Variants in HORMAD2 observed in about 807,000 individuals in gnomAD.
HORMAD2 encodes the protein HORMA domain-containing protein 2.
In HORMAD2, 45 loss-of-function variants were observed where a neutral mutation model predicts 38.8. The observed-to-expected ratio is 1.16, with a 90% CI of 0.91 to 1.49. The LOEUF (loss-of-function observed/expected upper bound fraction) is 1.49. Among genes scored for constraint, HORMAD2 ranks in the 40% most tolerant of loss-of-function variants. The pLI is 0.00. For missense variants in HORMAD2, 338 were observed against 367.0 expected (o/e 0.92, Z 0.65); for synonymous variants, 126 against 122.8 (o/e 1.03, Z -0.17).
chr22:30,096,656 C>T (rs1017633088), intron 2 of HORMAD2, among the ~76,000 whole-genome samples: 4 of 151,570 alleles, frequency 2.6e-5, no homozygotes, highest in South Asian at 2.1e-4. Context: ...TTAGTAGAGA[C>T]GGGGGTTTCA....
At chr22:30,139,780 A>G (rs1340770410) in intron 10 of HORMAD2, among the ~76,000 whole-genome samples, 1 of 151,970 alleles carries the variant, frequency 6.6e-6, no homozygotes, top group Admixed American at 6.6e-5. Context: ...TGTTTTTTTA[A>G]TCATGGAAGG....
rs1922484045 is a variant in HORMAD2, at chr22:30,122,049, G to A, written c.654G>A (p.Val218=). 1 of 1,613,548 alleles carries A rather than the reference G, an allele frequency of 6.2e-7. No individual in the cohort carries two copies. Among genetic ancestry groups the A allele is most frequent in the South Asian group, 1.1e-5 (1 of 91,018 alleles). ...TGTTTGACAAGGAGCCTATCAACGTGCAAGTGGGATTTGTCTCCACTGGCT... is the reference window on the plus strand; with the variant it reads ...TGTTTGACAAGGAGCCTATCAACGTACAAGTGGGATTTGTCTCCACTGGCT... ...FLLFDKEPIN[V]QVGFVSTGFH... Residue 218 remains valine, a synonymous_variant, in exon 10 of 11, where the codon GTG becomes GTA. Transcript: ENST00000336726.
In HORMAD2 at chr22:30,144,010, C is replaced by T. The variant is rs1003977527; in HGVS notation, c.819+21796C>T. Among the ~76,000 whole-genome samples the T allele has an allele frequency of 1.4e-4, 21 of 152,310 alleles. No homozygotes were observed. In the East Asian group the frequency reaches 3.9e-3, roughly 28 times the overall value. On this transcript the variant is annotated intron_variant, in intron 10 of 10. Coordinates refer to ENST00000336726, the MANE Select transcript of HORMAD2 (RefSeq NM_152510.4). ...TGATGCCAGTGCTATGCTTTCTGTACAGCCTACAGAACCATGAGCCAATTA... is the reference window on the plus strand; with the variant it reads ...TGATGCCAGTGCTATGCTTTCTGTATAGCCTACAGAACCATGAGCCAATTA...
chr22:30,112,417 T>G, intron 6 of HORMAD2, 79 bp from the exon 7 acceptor site: 1 of 697,748 alleles, frequency 1.4e-6, no homozygotes, highest in Non-Finnish European at 2.5e-6. Flanking sequence ...CAAATTGAAC[T>G]CTATATAAAA....
rs1028757403 is a variant in HORMAD2 at position 30,176,990 on chromosome 22, G to T, written c.*823G>T. On this transcript the variant is annotated 3_prime_UTR_variant, in exon 11 of 11. Transcript: ENST00000336726. ...GAGATTTAGTAACTTATAAAATGAGGTTTAGTAATTTAATTTAAATGGATA... is the reference window on the plus strand; with the variant it reads ...GAGATTTAGTAACTTATAAAATGAGTTTTAGTAATTTAATTTAAATGGATA... 2.0e-5 allele frequency: 3 copies of T among 152,450 alleles called. No individual in the cohort carries two copies. The highest frequency in any genetic ancestry group is 7.3e-5 in the African/African-American group (3 of 41,330). 9.4% of individuals were successfully genotyped at this position (152,450 alleles called of 1,614,324 possible).
At chr22:30,163,852 G>A (rs1254625316) in intron 10 of HORMAD2, among the ~76,000 whole-genome samples, 3 of 152,120 alleles carry the variant, frequency 2.0e-5, no homozygotes, top group South Asian at 2.1e-4. Context: ...GTGGCATTAA[G>A]TGTATTCACA....
chr22:30,145,683 C>T (rs1265491549), intron 10 of HORMAD2, among the ~76,000 whole-genome samples: 1 of 152,040 alleles, frequency 6.6e-6, no homozygotes, highest in East Asian at 1.9e-4. Context: ...AAGAATAGGG[C>T]CTCAGTGACT....
intron 10 of HORMAD2, among the ~76,000 whole-genome samples, chr22:30,127,591 C>G (rs898205900): frequency 3.9e-5 from 6 of 152,202 alleles, no homozygotes; most frequent in African/African-American, 1.4e-4. Context: ...CATCTGCTGG[C>G]CTTGGCCTCC....
Position 30,167,218 on chromosome 22 carries a change from T to G in HORMAD2, c.820-8845T>G, listed in dbSNP as rs2123728858. ...CTGTGTTCACATCTCCCATTGCCTC[T>G]GTCTTACAAGGATACATCTGATTAC... On this transcript the variant is annotated intron_variant, in intron 10 of 10. Coordinates refer to ENST00000336726, the MANE Select transcript of HORMAD2 (RefSeq NM_152510.4). Among the ~76,000 whole-genome samples the G allele has an allele frequency of 1.3e-5, 2 of 152,320 alleles. 1 individual carries two copies. The highest frequency in any genetic ancestry group is 4.1e-4 in the South Asian group (2 of 4,832).
chr22:30,200,773 G>A, the HORMAD2 span, among the ~76,000 whole-genome samples: 7 of 124,034 alleles, frequency 5.6e-5, no homozygotes, highest in South Asian at 2.9e-4. Flanking sequence ...ATTTTGAGAC[G>A]GAGTCTGGCT....
At chr22:30,173,545 G>A (rs182841535) in intron 10 of HORMAD2, among the ~76,000 whole-genome samples, 11 of 152,322 alleles carry the variant, frequency 7.2e-5, no homozygotes, top group Admixed American at 6.5e-4. Flanking sequence ...GAGTGAGAAC[G>A]AAGATTGGGA....
At chr22:30,201,842 A>G in the HORMAD2 span, among the ~76,000 whole-genome samples, 1 of 152,192 alleles carries the variant, frequency 6.6e-6, no homozygotes, top group East Asian at 1.9e-4. Flanking sequence ...TGTACATTGA[A>G]AAAAAGCATT....
chr22:30,140,743 T>C (rs1293202945), intron 10 of HORMAD2, among the ~76,000 whole-genome samples: 1 of 152,218 alleles, frequency 6.6e-6, no homozygotes, highest in Non-Finnish European at 1.5e-5. Context: ...TTGGATTCAC[T>C]GATTGTCACT....
At chr22:30,193,032 T>A in the HORMAD2 span, among the ~76,000 whole-genome samples, 1 of 152,192 alleles carries the variant, frequency 6.6e-6, no homozygotes, top group Non-Finnish European at 1.5e-5. Flanking sequence ...TTCATTGATA[T>A]ATCAAAAAAG....
intron 5 of HORMAD2, among the ~76,000 whole-genome samples, chr22:30,110,954 G>A (rs893773746): frequency 6.6e-6 from 1 of 150,834 alleles, no homozygotes; most frequent in African/African-American, 2.4e-5. Context: ...TCAGAAGATC[G>A]AGACCATCCT....
At chr22:30,201,410 G>C in the HORMAD2 span, among the ~76,000 whole-genome samples, 1 of 144,672 alleles carries the variant, frequency 6.9e-6, no homozygotes, top group African/African-American at 2.6e-5. Context: ...CCAGAGTTAA[G>C]ACTTTTTTTT....
chr22:30,091,177 G>C (rs2068674238), intron 1 of HORMAD2, among the ~76,000 whole-genome samples: 3 of 151,478 alleles, frequency 2.0e-5, no homozygotes, highest in Admixed American at 2.0e-4. Context: ...TTAAATGGCT[G>C]AATAATATTC....
chr22:30,170,937 A>G (rs1020561046), intron 10 of HORMAD2, among the ~76,000 whole-genome samples: 1 of 152,174 alleles, frequency 6.6e-6, no homozygotes, highest in Non-Finnish European at 1.5e-5. Context: ...TTGAGTCCTC[A>G]TCTTCCTTGC....
downstream of HORMAD2, among the ~76,000 whole-genome samples, chr22:30,177,973 C>T (rs1281983837): frequency 6.6e-6 from 1 of 151,844 alleles, no homozygotes; most frequent in Non-Finnish European, 1.5e-5. Context: ...AGCCACCACA[C>T]CCAGCCCAGG....
Sources: gnomAD v4.1 joint callset for allele counts (sites outside exome capture counted in the v4.1 genomes callset) on GRCh38, gnomAD v4.1.1 for gene constraint, MANE v1.5 for transcripts, NCBI Gene and HGNC (gene_info 2026-07-23, HGNC 2026-07-21) for gene names.